NRXN3: variants seen among roughly 807,000 people sequenced by gnomAD.
NRXN3 encodes the protein neurexin 3, also known as neurexin III.
A neutral mutation model predicts 137.6 loss-of-function variants in NRXN3; 32 were observed. The ratio of observed to expected loss-of-function variants is 0.23; its 90% CI spans 0.18 to 0.31. NRXN3 has a LOEUF of 0.31. Ranked by LOEUF, NRXN3 falls within the 10% of genes least tolerant of loss-of-function variation. NRXN3 has a pLI of 1.00. For missense variants in NRXN3, 1,574 were observed against 2,062.5 expected, an observed-to-expected ratio of 0.76 and a Z score of 4.59; for synonymous variants, 798 against 784.5, an observed-to-expected ratio of 1.02 and a Z score of -0.29.
intron 20 of NRXN3, among the ~76,000 whole-genome samples, chr14:79,850,182 C>A (rs938374977): frequency 6.6e-6 from 1 of 152,216 alleles, no homozygotes. Flanking sequence ...GTTATGCCAA[C>A]TTCTTTCTCA....
At chr14:78,821,816 G>A (rs531769452) in intron 10 of NRXN3, among the ~76,000 whole-genome samples, 38 of 152,108 alleles carry the variant, frequency 2.5e-4, no homozygotes, top group Non-Finnish European at 4.9e-4. Context: ...ATACCTGCCG[G>A]CAGTTGGAAT....
intron 15 of NRXN3, among the ~76,000 whole-genome samples, chr14:79,094,428 C>G (rs571970118): frequency 1.3e-5 from 2 of 152,272 alleles, no homozygotes; most frequent in African/African-American, 4.8e-5. Flanking sequence ...TAAAGCAACC[C>G]TTTGTAAGAA....
intron 4 of NRXN3, among the ~76,000 whole-genome samples, chr14:78,425,771 C>T (rs995513454): frequency 6.6e-6 from 1 of 152,198 alleles, no homozygotes; most frequent in South Asian, 2.1e-4. Context: ...CACCCCTCTT[C>T]GATTTGTACC....
chr14:79,816,680 T>A (rs974353199), intron 20 of NRXN3, among the ~76,000 whole-genome samples: 1 of 152,236 alleles, frequency 6.6e-6, no homozygotes, highest in African/African-American at 2.4e-5. Context: ...TCCCATTACA[T>A]AGTTAGGTTT....
At chr14:78,944,222 C>T (rs899723395) in intron 10 of NRXN3, among the ~76,000 whole-genome samples, 4 of 152,154 alleles carry the variant, frequency 2.6e-5, no homozygotes, top group Non-Finnish European at 5.9e-5. Flanking sequence ...TACAAAAATG[C>T]AAGCCACCAG....
At chr14:78,723,226 A>G (rs182682254) in intron 8 of NRXN3, among the ~76,000 whole-genome samples, 2 of 152,330 alleles carry the variant, frequency 1.3e-5, no homozygotes, top group African/African-American at 4.8e-5. Flanking sequence ...CAGGAGACCA[A>G]CAGGTCAGCA....
At chr14:79,197,499 G>A (rs1005551690) in intron 15 of NRXN3, among the ~76,000 whole-genome samples, 16 of 151,718 alleles carry the variant, frequency 1.1e-4, no homozygotes, top group African/African-American at 3.1e-4. Context: ...AGACTTTTGC[G>A]TGGCTTATCT....
intron 16 of NRXN3, among the ~76,000 whole-genome samples, chr14:79,588,181 A>T (rs1318079879): frequency 6.6e-6 from 1 of 152,218 alleles, no homozygotes; most frequent in Non-Finnish European, 1.5e-5. Context: ...GTAATGTGCC[A>T]GTCTCATTTT....
Position 79,302,458 on chromosome 14 carries a change from G to A in NRXN3, c.3263-164763G>A, listed in dbSNP as rs372473584. On this transcript the variant is annotated intron_variant, in intron 15 of 20. Transcript: ENST00000335750. The stretch of plus-strand genomic sequence containing the variant: ...CGTCACATGGCAAGAGAGGAAGCAA[G>A]AGAGATAGGGGAGGAGTTGTCAGGC... Among the ~76,000 whole-genome samples, 9 of 152,100 alleles carry A rather than the reference G, an allele frequency of 5.9e-5. No homozygotes were observed. In the South Asian group the frequency reaches 1.0e-3, roughly 18 times the overall value.
chr14:78,625,693 C>T (rs1196303498), intron 4 of NRXN3, among the ~76,000 whole-genome samples: 5 of 152,158 alleles, frequency 3.3e-5, no homozygotes, highest in African/African-American at 1.2e-4. Flanking sequence ...AAATGATGCT[C>T]AACAATCAGT....
At chr14:79,592,049 T>C (rs1323629511) in intron 16 of NRXN3, among the ~76,000 whole-genome samples, 1 of 152,220 alleles carries the variant, frequency 6.6e-6, no homozygotes, top group Non-Finnish European at 1.5e-5. Context: ...TTTTTCACCT[T>C]TTCAGTACCC....
intron 15 of NRXN3, among the ~76,000 whole-genome samples, chr14:79,205,784 A>C (rs555733150): frequency 1.1e-4 from 17 of 152,318 alleles, no homozygotes; most frequent in African/African-American, 3.1e-4. Flanking sequence ...TAACTTAAGC[A>C]TGCAGAGGGA....
At position 78,441,240 on chromosome 14, in the gene NRXN3, T is replaced by C. The variant is rs376030151; in HGVS notation, c.757+143380T>C. ...TGACATGGTGAGATGCTTTTATTTT[T>C]ACTTCCTCATCCAGATATATTCTTG... On this transcript the variant is annotated intron_variant, in intron 4 of 20. Transcript: ENST00000335750. 2.6e-5 allele frequency among the ~76,000 whole-genome samples: 4 copies of C among 152,374 alleles called. No individual in the cohort carries two copies. In the East Asian group the frequency reaches 7.7e-4, roughly 29 times the overall value.
chr14:78,946,274 A>G (rs2099364986), intron 10 of NRXN3, among the ~76,000 whole-genome samples: 1 of 152,218 alleles, frequency 6.6e-6, no homozygotes, highest in Non-Finnish European at 1.5e-5. Context: ...TAGAGTTGAG[A>G]AAGATACAGA....
rs2094648709 is a variant in NRXN3, at chr14:79,387,073, A to C, written c.3263-80148A>C. ...ACTTCATGTCTAAAACACCAAAAGC[A>C]ATGGCAACAAAAGACAAAATTGACA... On this transcript the variant is annotated intron_variant, in intron 15 of 20. Coordinates refer to ENST00000335750, the MANE Select transcript of NRXN3 (RefSeq NM_001330195.2). Among the ~76,000 whole-genome samples, 3 of 152,252 alleles carry C rather than the reference A, an allele frequency of 2.0e-5. No homozygotes were observed. The South Asian group carries it at 6.2e-4, about 32-fold the overall frequency.
chr14:78,362,850 T>C lies in NRXN3; in HGVS notation c.757+64990T>C, dbSNP rs74821676. On this transcript the variant is annotated intron_variant, in intron 4 of 20. Transcript: ENST00000335750. Reference sequence around the variant, plus strand: ...AGGATTGTGGTAGTGGGGGATACTGTTGAGGGACACGTTTTGGTTGTTTCT... The same window carrying C: ...AGGATTGTGGTAGTGGGGGATACTGCTGAGGGACACGTTTTGGTTGTTTCT... Among the ~76,000 whole-genome samples the C allele has an allele frequency of 9.2e-3, 1,393 of 151,970 alleles. 15 individuals carry two copies. Among genetic ancestry groups the C allele is most frequent in the African/African-American group, 0.032 (1,329 of 41,308 alleles).
chr14:78,395,356 G>A (rs1400769423), intron 4 of NRXN3, among the ~76,000 whole-genome samples: 6 of 151,778 alleles, frequency 4.0e-5, no homozygotes, highest in African/African-American at 1.2e-4. Flanking sequence ...TTTTGTTGTT[G>A]TTGTTGTTTC....
At chr14:78,209,091 G>A (rs543190750) in intron 1 of NRXN3, among the ~76,000 whole-genome samples, 3 of 152,270 alleles carry the variant, frequency 2.0e-5, no homozygotes, top group African/African-American at 7.2e-5. Flanking sequence ...CTTGAAGCTT[G>A]TCTGAAGGAG....
chr14:79,689,404 C>T (rs1440175239), intron 17 of NRXN3, among the ~76,000 whole-genome samples: 2 of 151,992 alleles, frequency 1.3e-5, no homozygotes, highest in East Asian at 3.9e-4. Context: ...ACAGTTCTTA[C>T]TAATGTTTGA....
Sources: gnomAD v4.1 joint callset for allele counts (sites outside exome capture counted in the v4.1 genomes callset) on GRCh38, gnomAD v4.1.1 for gene constraint, MANE v1.5 for transcripts, NCBI Gene and HGNC (gene_info 2026-07-23, HGNC 2026-07-21) for gene names.